Variants in RPS6KC1 observed in about 807,000 individuals in gnomAD.
RPS6KC1 encodes the protein ribosomal protein S6 kinase C1.
In RPS6KC1, 54 loss-of-function variants were observed where a neutral mutation model predicts 103.8. The observed-to-expected ratio is 0.52, with a 90% confidence interval of 0.42 to 0.65. RPS6KC1 has a LOEUF of 0.65. Ranked by LOEUF, RPS6KC1 falls within the 30% of genes least tolerant of loss-of-function variation. RPS6KC1 has a pLI of 0.00. For missense variants in RPS6KC1, 1,151 were observed against 1,253.8 expected, an observed-to-expected ratio of 0.92 and a Z score of 1.24; for synonymous variants, 439 against 438.7, an observed-to-expected ratio of 1.00 and a Z score of -0.01.
the RPS6KC1 span, among the ~76,000 whole-genome samples, chr1:213,415,146 C>CT: frequency 5.3e-5 from 8 of 152,312 alleles, no homozygotes; most frequent in East Asian, 5.8e-4. Context: ...ATTTCTTCCA[C>CT]TTTTTTTACT....
the RPS6KC1 span, among the ~76,000 whole-genome samples, chr1:213,754,019 T>C: frequency 2.0e-5 from 3 of 152,000 alleles, no homozygotes; most frequent in East Asian, 5.8e-4. Context: ...TACATGGCAG[T>C]CTGGTCTCTG....
At chr1:213,795,222 A>G in the RPS6KC1 span, among the ~76,000 whole-genome samples, 1 of 152,208 alleles carries the variant, frequency 6.6e-6, no homozygotes, top group East Asian at 1.9e-4. Flanking sequence ...CATAATTCAA[A>G]GCTGTAAGAG....
At chr1:213,788,445 C>T in the RPS6KC1 span, among the ~76,000 whole-genome samples, 1 of 152,110 alleles carries the variant, frequency 6.6e-6, no homozygotes. Flanking sequence ...ATCTGCTAAA[C>T]ACGACCTATT....
chr1:213,382,242 C>T, the RPS6KC1 span, among the ~76,000 whole-genome samples: 1 of 152,166 alleles, frequency 6.6e-6, no homozygotes, highest in Non-Finnish European at 1.5e-5. Flanking sequence ...CCCTGGGTTG[C>T]CCAGGCTCAG....
chr1:213,104,161 T>A (rs753485619), intron 3 of RPS6KC1, among the ~76,000 whole-genome samples: 1 of 152,238 alleles, frequency 6.6e-6, no homozygotes, highest in Non-Finnish European at 1.5e-5. Flanking sequence ...TAGTTTCGAA[T>A]CACCAGCTTC....
intron 6 of RPS6KC1, among the ~76,000 whole-genome samples, chr1:213,162,186 A>T (rs1021569706): frequency 6.6e-6 from 1 of 152,212 alleles, no homozygotes. Flanking sequence ...ACTTTAGAAC[A>T]TAAGAGAAAC....
At chr1:213,167,322 T>A (rs2091048637) in intron 6 of RPS6KC1, among the ~76,000 whole-genome samples, 1 of 152,170 alleles carries the variant, frequency 6.6e-6, no homozygotes, top group Non-Finnish European at 1.5e-5. Context: ...AAGAGGGTTC[T>A]ACTAGTAGTC....
the RPS6KC1 span, among the ~76,000 whole-genome samples, chr1:213,661,742 A>C: frequency 6.6e-6 from 1 of 152,246 alleles, no homozygotes; most frequent in Non-Finnish European, 1.5e-5. Context: ...TGTAGGACTT[A>C]GATGAAATTA....
At chr1:213,121,777 AT>A (rs1039208680) in intron 5 of RPS6KC1, among the ~76,000 whole-genome samples, 1 of 152,130 alleles carries the variant, frequency 6.6e-6, no homozygotes, top group African/African-American at 2.4e-5. Flanking sequence ...GGGGAGGGAC[AT>A]TTTTTCTGGT....
At chr1:213,517,322 G>A in the RPS6KC1 span, among the ~76,000 whole-genome samples, 3 of 150,124 alleles carry the variant, frequency 2.0e-5, no homozygotes, top group East Asian at 3.9e-4. Context: ...TGTGATGTTA[G>A]GGTGTCAATT....
At chr1:213,311,089 A>T in the RPS6KC1 span, among the ~76,000 whole-genome samples, 1 of 151,998 alleles carries the variant, frequency 6.6e-6, no homozygotes. Flanking sequence ...TGGGGCTGAC[A>T]AGAAATGTCT....
chr1:213,425,054 C>A, the RPS6KC1 span, among the ~76,000 whole-genome samples: 3 of 152,124 alleles, frequency 2.0e-5, no homozygotes, highest in Non-Finnish European at 4.4e-5. Context: ...GAGGAGCCGC[C>A]ATGTAGCAGG....
the RPS6KC1 span, among the ~76,000 whole-genome samples, chr1:213,579,741 A>C: frequency 6.6e-6 from 1 of 152,082 alleles, no homozygotes; most frequent in Non-Finnish European, 1.5e-5. Flanking sequence ...AGAGCCCTTA[A>C]GAATTATGTT....
chr1:213,138,339 G>A (rs997741930), intron 6 of RPS6KC1, among the ~76,000 whole-genome samples: 5 of 151,718 alleles, frequency 3.3e-5, no homozygotes, highest in Admixed American at 6.6e-5. Flanking sequence ...AGTCTTTTGG[G>A]GCCATTTTCT....
intron 7 of RPS6KC1, among the ~76,000 whole-genome samples, chr1:213,171,045 TTTCTC>T (rs2091437198): frequency 6.6e-6 from 1 of 152,202 alleles, no homozygotes; most frequent in African/African-American, 2.4e-5. Flanking sequence ...TAATTATTGT[TTTCTC>T]CTTTGGTACA....
chr1:213,773,007 G>A, the RPS6KC1 span, among the ~76,000 whole-genome samples: 3,597 of 152,188 alleles, frequency 0.024, 70 homozygotes, highest in Middle Eastern at 0.065. Flanking sequence ...TGTTGCCACC[G>A]CTCAACGTCC....
chr1:213,644,185 C>A, the RPS6KC1 span, among the ~76,000 whole-genome samples: 1 of 151,822 alleles, frequency 6.6e-6, no homozygotes, highest in Non-Finnish European at 1.5e-5. Flanking sequence ...ACAAGCAAAC[C>A]CATATATAGA....
chr1:213,710,171 A>G, the RPS6KC1 span, among the ~76,000 whole-genome samples: 46 of 152,330 alleles, frequency 3.0e-4, no homozygotes, highest in African/African-American at 6.7e-4. Context: ...TTGGTCTCAA[A>G]GAACTTGCTT....
At chr1:213,594,644 G>T in the RPS6KC1 span, among the ~76,000 whole-genome samples, 3 of 152,124 alleles carry the variant, frequency 2.0e-5, no homozygotes, top group Non-Finnish European at 4.4e-5. Context: ...CTATAATACT[G>T]TTGGTTAACA....
Sources: allele counts gnomAD v4.1 joint callset (sites outside exome capture counted in the v4.1 genomes callset), GRCh38; gene constraint gnomAD v4.1.1; transcripts MANE v1.5; gene names NCBI Gene and HGNC (gene_info 2026-07-23, HGNC 2026-07-21).